RYR3: variants seen among roughly 807,000 people sequenced by gnomAD.
The protein encoded by RYR3 is brain ryanodine receptor-calcium release channel.
RYR3 carries 207 observed loss-of-function variants against 584.3 expected under a neutral mutation model. The observed-to-expected ratio is 0.35, with a 90% CI of 0.32 to 0.40. The LOEUF (loss-of-function observed/expected upper bound fraction) is 0.40. RYR3 is among the 10% of genes least tolerant of loss of function. RYR3 has a pLI of 1.00. For missense variants in RYR3, 5,616 were observed against 6,089.2 expected (o/e 0.92, Z 2.59); for synonymous variants, 2,416 against 2,248.5 (o/e 1.07, Z -2.11).
chr15:33,499,352 C>G (rs2051746913), intron 2 of RYR3, among the ~76,000 whole-genome samples: 1 of 151,912 alleles, frequency 6.6e-6, no homozygotes, highest in African/African-American at 2.4e-5. Flanking sequence ...TCCTTCTCTC[C>G]TCTCCATTCC....
chr15:33,835,696 A>C (rs980378184), intron 87 of RYR3, among the ~76,000 whole-genome samples: 1 of 152,204 alleles, frequency 6.6e-6, no homozygotes, highest in Non-Finnish European at 1.5e-5. Context: ...TGTATCTAAA[A>C]TTTTCAAGGC....
At chr15:33,502,612 T>C (rs1166973248) in intron 2 of RYR3, among the ~76,000 whole-genome samples, 1 of 152,242 alleles carries the variant, frequency 6.6e-6, no homozygotes, top group Non-Finnish European at 1.5e-5. Flanking sequence ...TGTATTTCTT[T>C]GTATCTTTTC....
At chr15:33,654,622 GACA>G (rs2062713898) in intron 32 of RYR3, among the ~76,000 whole-genome samples, 1 of 152,138 alleles carries the variant, frequency 6.6e-6, no homozygotes, top group African/African-American at 2.4e-5. Flanking sequence ...GGGATCTGTG[GACA>G]ACATCGCATA....
chr15:33,668,616 A>G (rs986175446), intron 36 of RYR3, among the ~76,000 whole-genome samples: 4 of 152,244 alleles, frequency 2.6e-5, no homozygotes, highest in African/African-American at 9.6e-5. Flanking sequence ...CACCCATTCA[A>G]TTGAAAATAT....
At chr15:33,670,605 T>G (rs776507978) in intron 38 of RYR3, 49 bp downstream of exon 38, 1 of 1,506,936 alleles carries the variant, frequency 6.6e-7, no homozygotes, top group African/African-American at 1.4e-5. Flanking sequence ...AAGACTTAAT[T>G]AATGTAACTT....
chr15:33,762,679 T>C (rs2072598349), intron 60 of RYR3, among the ~76,000 whole-genome samples: 1 of 152,070 alleles, frequency 6.6e-6, no homozygotes, highest in African/African-American at 2.4e-5. Flanking sequence ...ATCCTGAAAA[T>C]AGCCATACTG....
At chr15:33,325,819 T>G (rs1205667511) in intron 1 of RYR3, among the ~76,000 whole-genome samples, 1 of 150,032 alleles carries the variant, frequency 6.7e-6, no homozygotes, top group Non-Finnish European at 1.5e-5. Context: ...TTCCTGTTGT[T>G]GAGACAGGGT....
chr15:33,573,083 A>G (rs1014197950), intron 12 of RYR3, among the ~76,000 whole-genome samples: 1 of 150,554 alleles, frequency 6.6e-6, no homozygotes, highest in Non-Finnish European at 1.5e-5. Context: ...ATTTTGCCCA[A>G]TTTTTTTATT....
At chr15:33,395,309 A>G (rs2042232713) in intron 1 of RYR3, among the ~76,000 whole-genome samples, 1 of 152,210 alleles carries the variant, frequency 6.6e-6, no homozygotes. Context: ...GACATTTCTA[A>G]TGCAGAGATG....
intron 69 of RYR3, among the ~76,000 whole-genome samples, chr15:33,806,732 T>C (rs1344651381): frequency 1.3e-5 from 2 of 151,652 alleles, no homozygotes; most frequent in Non-Finnish European, 2.9e-5. Flanking sequence ...CCTAGAGTAC[T>C]TTTTGTTAAT....
intron 38 of RYR3, among the ~76,000 whole-genome samples, chr15:33,693,973 G>A (rs749223478): frequency 7.2e-5 from 11 of 152,102 alleles, no homozygotes; most frequent in Non-Finnish European, 1.5e-4. Context: ...ACGCTTTTGT[G>A]GATGGGTTGG....
chr15:33,448,521 TGA>T (rs1365252005), intron 1 of RYR3, among the ~76,000 whole-genome samples: 1 of 152,146 alleles, frequency 6.6e-6, no homozygotes, highest in African/African-American at 2.4e-5. Context: ...GGCAAAGCCT[TGA>T]GAGCGAGATT....
At chr15:33,847,826 C>G (rs1395197814) in intron 93 of RYR3, among the ~76,000 whole-genome samples, 1 of 152,180 alleles carries the variant, frequency 6.6e-6, no homozygotes, top group East Asian at 1.9e-4. Flanking sequence ...ATTAACTGAC[C>G]TTCAACGCCA....
At chr15:33,529,477 C>T (rs938588697) in intron 3 of RYR3, among the ~76,000 whole-genome samples, 6 of 152,156 alleles carry the variant, frequency 3.9e-5, no homozygotes, top group African/African-American at 1.4e-4. Flanking sequence ...GGGAGACGGG[C>T]AGAGCCTCAA....
chr15:33,708,557 A>G (rs1038483216), intron 43 of RYR3, among the ~76,000 whole-genome samples: 11 of 152,124 alleles, frequency 7.2e-5, no homozygotes, highest in African/African-American at 2.7e-4. Flanking sequence ...TATCTTTTCA[A>G]TATATTTTCT....
At chr15:33,815,318 T>A (rs2076758630) in intron 74 of RYR3, 1 of 152,282 alleles carries the variant, frequency 6.6e-6, no homozygotes, top group South Asian at 2.1e-4. Context: ...TTTCTGGAAG[T>A]GTCGAAACAT....
chr15:33,702,622 C>A (rs1339481296), intron 42 of RYR3, among the ~76,000 whole-genome samples: 1 of 152,038 alleles, frequency 6.6e-6, no homozygotes, highest in Non-Finnish European at 1.5e-5. Flanking sequence ...AGGGAATTGA[C>A]GACCTGGCAG....
chr15:33,524,077 G>A (rs2054215667), intron 3 of RYR3, among the ~76,000 whole-genome samples: 1 of 151,982 alleles, frequency 6.6e-6, no homozygotes, highest in African/African-American at 2.4e-5. Context: ...TAAAATGCTC[G>A]ATTTCATTAA....
chr15:33,863,692 TTAAATACTTTCTAACTTTTCCATGACAGA>T (rs754426389), intron 102 of RYR3, among the ~76,000 whole-genome samples: 10 of 152,324 alleles, frequency 6.6e-5, no homozygotes, highest in Non-Finnish European at 1.3e-4. Context: ...CTCCATGAGA[TTAAATACTTTCTAACTTTTCCATGACAGA>T]TATTCTTGAG....
Sources: gnomAD v4.1 joint callset for allele counts (sites outside exome capture counted in the v4.1 genomes callset) on GRCh38, gnomAD v4.1.1 for gene constraint, MANE v1.5 for transcripts, NCBI Gene and HGNC (gene_info 2026-07-23, HGNC 2026-07-21) for gene names.